The following DPH6 variants were observed in gnomAD, a reference collection of about 807,000 sequenced individuals.
The protein encoded by DPH6 is diphthamine biosynthesis 6, also known as diphthine--ammonia ligase.
A neutral mutation model predicts 38.2 loss-of-function variants in DPH6; 33 were observed. That is an observed-to-expected ratio of 0.86 (90% CI 0.65 to 1.15). DPH6 has a LOEUF of 1.15. Among genes scored for constraint, DPH6 ranks in the 50% most tolerant of loss-of-function variants. The probability of loss-of-function intolerance (pLI) is 0.00; values close to 1 mark genes in which losing one functional copy is unlikely to be tolerated. For synonymous variants in DPH6, 108 were observed against 103.0 expected (o/e 1.05, Z -0.30); for missense variants, 325 against 320.0 (o/e 1.02, Z -0.12).
intron 6 of DPH6, 25 bp from the exon 7 acceptor site, chr15:35,381,941 C>A: frequency 6.4e-7 from 1 of 1,565,768 alleles, no homozygotes; most frequent in Non-Finnish European, 8.8e-7. Context: ...ACACAAAAAA[C>A]AAGAAAGAAG....
Position 35,262,650 on chromosome 15 carries a change from G to A in DPH6, n.201-42068C>T, listed in dbSNP as rs559735576. Among the ~76,000 whole-genome samples, 5 of 142,878 alleles carry A rather than the reference G, an allele frequency of 3.5e-5. No homozygotes were observed. The East Asian group carries it at 1.0e-3, about 29-fold the overall frequency. The allele number at this position is 142,878 out of a possible 152,430, so 93.7% of individuals were successfully genotyped here. ...GAACCCGGGAGGCGGAGCTTGCAGT[G>A]AGCAGAGATGGTGCCACTGCACTCC... On this transcript the variant is annotated intron_variant and non_coding_transcript_variant, in intron 3 of 3. Transcript: ENST00000560386.
Position 35,288,107 on chromosome 15 carries a change from G to C in DPH6, n.201-67525C>G, listed in dbSNP as rs1595462187. ...GAAATGCTGCTGCAGATAAGTTACA[G>C]TGTCATGTTCATTTTGTCAACTACA... is the stretch of plus-strand genomic sequence containing the variant. On this transcript the variant is annotated intron_variant and non_coding_transcript_variant, in intron 3 of 3. Coordinates refer to the DPH6 transcript ENST00000560386. 2.6e-5 allele frequency among the ~76,000 whole-genome samples: 4 copies of C among 152,164 alleles called. No individual in the cohort carries two copies. In the South Asian group the frequency reaches 6.2e-4, roughly 24 times the overall value.
chr15:35,447,704 T>C (rs2053873733), intron 5 of DPH6, among the ~76,000 whole-genome samples: 1 of 152,196 alleles, frequency 6.6e-6, no homozygotes, highest in East Asian at 1.9e-4. Context: ...ACTGTCAATG[T>C]AATGTATTGA....
Position 35,475,872 on chromosome 15 carries a change from CCA to C in DPH6, c.313-21054_313-21053del, listed in dbSNP as rs535605280. Reference sequence around the variant, plus strand: ...GAAGAATATTAAAAAGTGATATAAGCCACAGTCTCTGCCCTCAAGAAGCTTAT... The same window carrying C: ...GAAGAATATTAAAAAGTGATATAAGCCAGTCTCTGCCCTCAAGAAGCTTAT... On this transcript the variant is annotated intron_variant, in intron 3 of 8. Transcript: ENST00000256538. 2.0e-3 allele frequency among the ~76,000 whole-genome samples: 298 copies of C among 151,652 alleles called. 3 individuals carry two copies. Among genetic ancestry groups the C allele is most frequent in the African/African-American group, 7.1e-3 (295 of 41,426 alleles).
At chr15:35,287,667 C>G (rs1045341956) in intron 3 of DPH6, among the ~76,000 whole-genome samples, 5 of 152,044 alleles carry the variant, frequency 3.3e-5, no homozygotes, top group Non-Finnish European at 7.4e-5. Flanking sequence ...TTATTATAAG[C>G]CTGATTTTCA....
At chr15:35,526,963 G>A (rs1245216898) in intron 3 of DPH6, among the ~76,000 whole-genome samples, 1 of 152,110 alleles carries the variant, frequency 6.6e-6, no homozygotes, top group Non-Finnish European at 1.5e-5. Flanking sequence ...GTCTAAAACA[G>A]GCTAAGGATG....
intron 5 of DPH6, among the ~76,000 whole-genome samples, chr15:35,440,541 A>T (rs371004084): frequency 6.6e-6 from 1 of 152,210 alleles, no homozygotes; most frequent in East Asian, 1.9e-4. Context: ...TTCCCAAAAC[A>T]GTACCCCCTC....
chr15:35,315,476 T>C (rs1471284153), intron 3 of DPH6, among the ~76,000 whole-genome samples: 1 of 152,192 alleles, frequency 6.6e-6, no homozygotes, highest in Non-Finnish European at 1.5e-5. Flanking sequence ...TGCAGTTACT[T>C]TGCAACAGTG....
intron 3 of DPH6, among the ~76,000 whole-genome samples, chr15:35,530,950 C>T (rs1046809354): frequency 6.6e-6 from 1 of 152,080 alleles, no homozygotes; most frequent in Non-Finnish European, 1.5e-5. Flanking sequence ...TGCCAAGGGA[C>T]CAGGTTTAAT....
the DPH6 span, among the ~76,000 whole-genome samples, chr15:35,176,794 T>C: frequency 6.6e-6 from 1 of 152,216 alleles, no homozygotes; most frequent in Non-Finnish European, 1.5e-5. Context: ...AATGAATCTA[T>C]TGTCATTTGG....
chr15:35,242,184 A>T (rs185481132), intron 3 of DPH6, among the ~76,000 whole-genome samples: 1,218 of 114,518 alleles, frequency 0.011, 60 homozygotes, highest in African/African-American at 0.019. Context: ...CCCAAATTTC[A>T]TCCTCATCTG....
intron 3 of DPH6, among the ~76,000 whole-genome samples, chr15:35,338,329 T>G (rs1251248421): frequency 6.6e-6 from 1 of 151,298 alleles, no homozygotes; most frequent in Non-Finnish European, 1.5e-5. Flanking sequence ...TCAAACAAAT[T>G]TACAAGAAAA....
intron 6 of DPH6, among the ~76,000 whole-genome samples, chr15:35,398,787 G>A (rs993005577): frequency 2.6e-5 from 4 of 152,104 alleles, no homozygotes; most frequent in Non-Finnish European, 5.9e-5. Flanking sequence ...CATCTGAAGT[G>A]GTGGCAGTCT....
At chr15:35,528,972 C>T (rs2055045644) in intron 3 of DPH6, among the ~76,000 whole-genome samples, 1 of 152,104 alleles carries the variant, frequency 6.6e-6, no homozygotes, top group Admixed American at 6.6e-5. Flanking sequence ...TCCACCACTC[C>T]TCAAACTTTA....
At chr15:35,317,159 T>A (rs1393939986) in intron 3 of DPH6, among the ~76,000 whole-genome samples, 1 of 151,976 alleles carries the variant, frequency 6.6e-6, no homozygotes, top group Non-Finnish European at 1.5e-5. Context: ...CTTGGGAGGC[T>A]GAGACAGGAG....
intron 3 of DPH6, among the ~76,000 whole-genome samples, chr15:35,471,831 T>C (rs2054202308): frequency 6.6e-6 from 1 of 152,238 alleles, no homozygotes; most frequent in Admixed American, 6.5e-5. Context: ...CATGTTATTT[T>C]CTATACATGT....
the DPH6 span, among the ~76,000 whole-genome samples, chr15:35,156,995 C>A: frequency 6.6e-6 from 1 of 152,104 alleles, no homozygotes; most frequent in Non-Finnish European, 1.5e-5. Flanking sequence ...TTGACAGACA[C>A]CACTATAATT....
At chr15:35,259,604 T>C (rs746394568) in intron 3 of DPH6, among the ~76,000 whole-genome samples, 1 of 152,206 alleles carries the variant, frequency 6.6e-6, no homozygotes, top group Non-Finnish European at 1.5e-5. Flanking sequence ...AACTGAGATA[T>C]AGAAATATGT....
At chr15:35,489,804 C>T (rs1475998295) in intron 3 of DPH6, 1 of 980,924 alleles carries the variant, frequency 1.0e-6, no homozygotes, top group African/African-American at 1.7e-5. Flanking sequence ...CCTTCATGTG[C>T]CGTTTTATTT....
Sources: gnomAD v4.1 joint callset for allele counts (sites outside exome capture counted in the v4.1 genomes callset) on GRCh38, gnomAD v4.1.1 for gene constraint, MANE v1.5 for transcripts, NCBI Gene and HGNC (gene_info 2026-07-23, HGNC 2026-07-21) for gene names.